The following WDFY4 variants were observed in gnomAD, a reference collection of about 807,000 sequenced individuals.
The protein encoded by WDFY4 is WD repeat- and FYVE domain-containing protein 4.
In WDFY4, 169 loss-of-function variants were observed where a neutral mutation model predicts 351.9. That is an observed-to-expected ratio of 0.48 (90% CI 0.42 to 0.55). The LOEUF is 0.55. Ranked by LOEUF, WDFY4 falls within the 20% of genes least tolerant of loss-of-function variation. The pLI, the probability that WDFY4 is intolerant of heterozygous loss-of-function variation, is 0.00. For missense variants in WDFY4, 3,803 were observed against 3,935.6 expected, an observed-to-expected ratio of 0.97 and a Z score of 0.90; for synonymous variants, 1,622 against 1,574.6, an observed-to-expected ratio of 1.03 and a Z score of -0.71.
At chr10:48,688,510 A>G (rs1231592828) in intron 1 of WDFY4, among the ~76,000 whole-genome samples, 1 of 152,204 alleles carries the variant, frequency 6.6e-6, no homozygotes, top group Non-Finnish European at 1.5e-5. Flanking sequence ...GCAGTAGTGC[A>G]TATTTTGACT....
chr10:48,922,673 C>A (rs1433080007), intron 47 of WDFY4, among the ~76,000 whole-genome samples: 1 of 152,106 alleles, frequency 6.6e-6, no homozygotes, highest in Non-Finnish European at 1.5e-5. Context: ...GAACATATCA[C>A]CTGTGGGTAA....
At chr10:48,894,804 C>A (rs1836990223) in intron 44 of WDFY4, among the ~76,000 whole-genome samples, 2 of 152,152 alleles carry the variant, frequency 1.3e-5, no homozygotes, top group Non-Finnish European at 2.9e-5. Flanking sequence ...CCCACCAGTA[C>A]CTTGACCTGG....
chr10:48,711,838 T>C (rs1279107856), intron 2 of WDFY4, among the ~76,000 whole-genome samples: 2 of 152,172 alleles, frequency 1.3e-5, no homozygotes, highest in Non-Finnish European at 2.9e-5. Context: ...TGGAAAGTTT[T>C]CATATGAAAA....
At chr10:48,841,537 G>T (rs1049911483) in intron 39 of WDFY4, among the ~76,000 whole-genome samples, 1 of 152,138 alleles carries the variant, frequency 6.6e-6, no homozygotes, top group Non-Finnish European at 1.5e-5. Flanking sequence ...TCCATGACTT[G>T]CTGAAAATAG....
At chr10:48,716,248 C>T (rs1174031400) in intron 2 of WDFY4, among the ~76,000 whole-genome samples, 4 of 152,054 alleles carry the variant, frequency 2.6e-5, no homozygotes, top group East Asian at 3.9e-4. Flanking sequence ...ACATTTTGTT[C>T]GTGCTGGAAT....
chr10:48,916,533 C>G (rs1589879571), intron 47 of WDFY4, among the ~76,000 whole-genome samples: 1 of 152,184 alleles, frequency 6.6e-6, no homozygotes, highest in East Asian at 1.9e-4. Flanking sequence ...TTTGTTTTCT[C>G]TACCCTACTG....
intron 35 of WDFY4, among the ~76,000 whole-genome samples, chr10:48,825,775 C>T (rs1426984731): frequency 6.6e-6 from 1 of 151,844 alleles, no homozygotes; most frequent in Non-Finnish European, 1.5e-5. Context: ...AATGTCTGTT[C>T]ATGTCCTTTG....
chr10:48,781,305 T>C (rs2132662358), intron 19 of WDFY4, among the ~76,000 whole-genome samples: 1 of 152,160 alleles, frequency 6.6e-6, no homozygotes, highest in Non-Finnish European at 1.5e-5. Context: ...TATATATATA[T>C]GTTTTTTTGA....
chr10:48,719,653 G>A (rs2064013793), intron 2 of WDFY4, among the ~76,000 whole-genome samples: 1 of 152,250 alleles, frequency 6.6e-6, no homozygotes, highest in Admixed American at 6.5e-5. Flanking sequence ...GGCTGAGGAA[G>A]GGAGAAACCT....
intron 47 of WDFY4, among the ~76,000 whole-genome samples, chr10:48,927,302 C>A (rs571325685): frequency 6.6e-6 from 1 of 152,242 alleles, no homozygotes; most frequent in Non-Finnish European, 1.5e-5. Context: ...CATAAAGTGA[C>A]CTCTCCTTTG....
chr10:48,928,220 C>G (rs575604638), intron 47 of WDFY4, among the ~76,000 whole-genome samples: 64 of 152,314 alleles, frequency 4.2e-4, no homozygotes, highest in African/African-American at 1.4e-3. Context: ...CCCTGTTTAC[C>G]TTCCCCATGA....
At chr10:48,795,236 C>A (rs2066816022) in intron 23 of WDFY4, among the ~76,000 whole-genome samples, 1 of 151,442 alleles carries the variant, frequency 6.6e-6, no homozygotes, top group African/African-American at 2.4e-5. Flanking sequence ...ATCTTTTCAG[C>A]AAAATATGAG....
intron 2 of WDFY4, among the ~76,000 whole-genome samples, chr10:48,713,715 A>G (rs1003265074): frequency 6.6e-6 from 1 of 152,236 alleles, no homozygotes; most frequent in African/African-American, 2.4e-5. Flanking sequence ...TCCTCTTGTT[A>G]GGTCAAAGAG....
Position 48,789,909 on chromosome 10 carries a change from G to A in WDFY4, c.3990G>A (p.Val1330=). Residue 1330 remains valine (V), a synonymous_variant, in exon 22 of 62, where the codon GTG becomes GTA. Coordinates refer to ENST00000325239, the MANE Select transcript of WDFY4 (RefSeq NM_001394531.1). ...NISSRDNAMP[V]FLLRNCAGHL... ...CATCCCGTGACAATGCCATGCCCGTGTTCTTGCTGAGGAATTGTGCTGGCC... is the reference window on the plus strand; with the variant it reads ...CATCCCGTGACAATGCCATGCCCGTATTCTTGCTGAGGAATTGTGCTGGCC... 5.2e-6 allele frequency: 8 copies of A among 1,552,420 alleles called. No homozygotes were observed. Among genetic ancestry groups the A allele is most frequent in the Non-Finnish European group, 7.0e-6 (8 of 1,147,148 alleles).
At chr10:48,861,101 T>C (rs1269492768) in intron 39 of WDFY4, among the ~76,000 whole-genome samples, 1 of 152,172 alleles carries the variant, frequency 6.6e-6, no homozygotes, top group Non-Finnish European at 1.5e-5. Flanking sequence ...TAGTTGTTGC[T>C]CTAGGTATTA....
chr10:48,747,946 G>A (rs2065063581), intron 12 of WDFY4, among the ~76,000 whole-genome samples: 1 of 152,188 alleles, frequency 6.6e-6, no homozygotes, highest in Non-Finnish European at 1.5e-5. Context: ...CTGTAGGTAT[G>A]GGAATGCCTC....
At chr10:48,908,258 G>A (rs1216571265) in intron 47 of WDFY4, among the ~76,000 whole-genome samples, 1 of 152,160 alleles carries the variant, frequency 6.6e-6, no homozygotes, top group Non-Finnish European at 1.5e-5. Context: ...CACCACCAGG[G>A]GTGGGGAACA....
At chr10:48,959,894 G>GCTGGTCACTGGCCCTCCACTT in intron 53 of WDFY4, 81 bp downstream of exon 53, 2 of 1,323,062 alleles carry the variant, frequency 1.5e-6, no homozygotes, top group East Asian at 2.5e-5. Flanking sequence ...CTGTCCAAGT[G>GCTGGTCACTGGCCCTCCACTT]GAGGGCCAGT....
chr10:48,827,965 G>A (rs1305726835), intron 36 of WDFY4, among the ~76,000 whole-genome samples: 1 of 151,472 alleles, frequency 6.6e-6, no homozygotes, highest in Admixed American at 6.6e-5. Context: ...GGAGCAGAAT[G>A]ACAACTGAAT....
Sources: allele counts gnomAD v4.1 joint callset (sites outside exome capture counted in the v4.1 genomes callset), GRCh38; gene constraint gnomAD v4.1.1; transcripts MANE v1.5; gene names NCBI Gene and HGNC (gene_info 2026-07-23, HGNC 2026-07-21).